NALF1: variants seen among roughly 807,000 people sequenced by gnomAD.
NALF1 encodes family with sequence similarity 155 member A.
Under a neutral mutation model 48.4 loss-of-function variants are expected in NALF1, and 3 were observed. The ratio of observed to expected loss-of-function variants is 0.06; its 90% CI spans 0.03 to 0.16. The LOEUF (loss-of-function observed/expected upper bound fraction) is 0.16. Ranked by LOEUF, NALF1 falls within the 10% of genes least tolerant of loss-of-function variation. The pLI is 1.00. For missense variants in NALF1, 526 were observed against 571.5 expected (o/e 0.92, Z 0.81); for synonymous variants, 262 against 245.7 (o/e 1.07, Z -0.62).
At chr13:107,236,213 C>T (rs1276914876) in intron 1 of NALF1, among the ~76,000 whole-genome samples, 3 of 152,124 alleles carry the variant, frequency 2.0e-5, no homozygotes, top group Admixed American at 6.5e-5. Flanking sequence ...TAGGTCACAA[C>T]ATTCTGTCTC....
intron 1 of NALF1, among the ~76,000 whole-genome samples, chr13:107,617,420 A>G: frequency 6.6e-6 from 1 of 152,372 alleles, no homozygotes; most frequent in Non-Finnish European, 1.5e-5. Context: ...TTGCATCAAT[A>G]AAGAAGAACA....
At chr13:107,400,544 C>G (rs1429065999) in intron 1 of NALF1, among the ~76,000 whole-genome samples, 2 of 151,802 alleles carry the variant, frequency 1.3e-5, no homozygotes, top group African/African-American at 2.4e-5. Context: ...TGAACCCCAT[C>G]TCTATTAAAA....
At chr13:107,814,276 C>A (rs1879097006) in intron 1 of NALF1, among the ~76,000 whole-genome samples, 1 of 151,954 alleles carries the variant, frequency 6.6e-6, no homozygotes, top group Non-Finnish European at 1.5e-5. Context: ...TAGACAATAC[C>A]CCTATCCATC....
chr13:107,537,278 C>T (rs1250109319), intron 1 of NALF1, among the ~76,000 whole-genome samples: 1 of 151,934 alleles, frequency 6.6e-6, no homozygotes, highest in Non-Finnish European at 1.5e-5. Flanking sequence ...ACTTTCTTAG[C>T]CCAATTTGGA....
intron 1 of NALF1, among the ~76,000 whole-genome samples, chr13:107,693,472 A>G (rs1881620720): frequency 6.6e-6 from 1 of 152,196 alleles, no homozygotes; most frequent in Non-Finnish European, 1.5e-5. Flanking sequence ...AAAGTATAAT[A>G]AAAAATGAAA....
chr13:107,405,769 T>TA (rs890820404), intron 1 of NALF1, among the ~76,000 whole-genome samples: 21 of 151,946 alleles, frequency 1.4e-4, no homozygotes, highest in East Asian at 1.9e-4. Context: ...TCTTATGTGT[T>TA]AAAAAAAACT....
At chr13:107,308,758 T>A (rs936534609) in intron 1 of NALF1, among the ~76,000 whole-genome samples, 1 of 152,168 alleles carries the variant, frequency 6.6e-6, no homozygotes. Flanking sequence ...TGAAAATCAA[T>A]CCTGAATATG....
At chr13:107,304,713 C>T (rs1881902991) in intron 1 of NALF1, among the ~76,000 whole-genome samples, 1 of 152,226 alleles carries the variant, frequency 6.6e-6, no homozygotes, top group African/African-American at 2.4e-5. Flanking sequence ...AGTACATCCA[C>T]AAGATCTTGG....
intron 1 of NALF1, among the ~76,000 whole-genome samples, chr13:107,265,902 T>C (rs1378294394): frequency 6.6e-6 from 1 of 152,208 alleles, no homozygotes; most frequent in African/African-American, 2.4e-5. Context: ...AGCATCTGTG[T>C]GGCAAAGTCT....
chr13:107,510,884 T>C (rs935555112), intron 1 of NALF1, among the ~76,000 whole-genome samples: 1 of 152,178 alleles, frequency 6.6e-6, no homozygotes, highest in African/African-American at 2.4e-5. Context: ...CAGCTTTAGT[T>C]TCACTCGAGT....
chr13:107,689,806 T>C (rs1056938122), intron 1 of NALF1, among the ~76,000 whole-genome samples: 1 of 152,228 alleles, frequency 6.6e-6, no homozygotes, highest in Non-Finnish European at 1.5e-5. Context: ...GCTTCTTAAC[T>C]TAGTTTTATT....
At chr13:107,377,302 A>T (rs1227028350) in intron 1 of NALF1, among the ~76,000 whole-genome samples, 3 of 152,176 alleles carry the variant, frequency 2.0e-5, no homozygotes, top group African/African-American at 7.2e-5. Context: ...AGAGCTAGAG[A>T]AGAAGGATCT....
At chr13:107,245,342 C>A (rs1021717248) in intron 1 of NALF1, among the ~76,000 whole-genome samples, 14 of 152,004 alleles carry the variant, frequency 9.2e-5, no homozygotes, top group African/African-American at 3.4e-4. Context: ...AAGTGAAGTC[C>A]AGAATAAAGT....
intron 1 of NALF1, among the ~76,000 whole-genome samples, chr13:107,512,799 A>C (rs765909723): frequency 3.3e-5 from 5 of 152,080 alleles, no homozygotes; most frequent in East Asian, 1.9e-4. Context: ...GGCAACGGTA[A>C]ACTGACATGG....
At chr13:107,212,792 G>A (rs1207159902) in intron 1 of NALF1, among the ~76,000 whole-genome samples, 1 of 152,192 alleles carries the variant, frequency 6.6e-6, no homozygotes, top group East Asian at 1.9e-4. Flanking sequence ...AAGCAGGATA[G>A]GCTTATACCT....
intron 1 of NALF1, among the ~76,000 whole-genome samples, chr13:107,608,338 C>A (rs1879128884): frequency 6.6e-6 from 1 of 152,170 alleles, no homozygotes; most frequent in Admixed American, 6.5e-5. Flanking sequence ...TGTCAATGAT[C>A]AAATACATGA....
At chr13:107,418,732 C>T (rs1884135803) in intron 1 of NALF1, among the ~76,000 whole-genome samples, 1 of 152,082 alleles carries the variant, frequency 6.6e-6, no homozygotes, top group African/African-American at 2.4e-5. Flanking sequence ...GTCCCCAGTG[C>T]CTATTGTTTC....
intron 1 of NALF1, among the ~76,000 whole-genome samples, chr13:107,441,082 A>G (rs1315048487): frequency 1.3e-5 from 2 of 152,180 alleles, no homozygotes; most frequent in African/African-American, 4.8e-5. Context: ...CCACTTTTGT[A>G]TAATTTGTCA....
intron 1 of NALF1, among the ~76,000 whole-genome samples, chr13:107,458,381 C>T (rs1884859104): frequency 6.6e-6 from 1 of 152,172 alleles, no homozygotes; most frequent in African/African-American, 2.4e-5. Context: ...AGAACAGGGA[C>T]CCCACACAGG....
Sources: allele counts gnomAD v4.1 joint callset (sites outside exome capture counted in the v4.1 genomes callset), GRCh38; gene constraint gnomAD v4.1.1; transcripts MANE v1.5; gene names NCBI Gene and HGNC (gene_info 2026-07-23, HGNC 2026-07-21).